Variants in WWTR1 observed in about 807,000 individuals in gnomAD.
WWTR1 encodes WW domain-containing transcription regulator protein 1.
A neutral mutation model predicts 40.1 loss-of-function variants in WWTR1; 13 were observed. The ratio of observed to expected loss-of-function variants is 0.32; its 90% CI spans 0.21 to 0.52. The LOEUF is 0.52. Among genes scored for constraint, WWTR1 ranks in the 20% least tolerant of loss-of-function variants. The probability of loss-of-function intolerance (pLI) is 0.97; values close to 1 mark genes in which losing one functional copy is unlikely to be tolerated. For missense variants in WWTR1, 436 were observed against 523.1 expected (o/e 0.83, Z 1.63); for synonymous variants, 230 against 210.1 (o/e 1.09, Z -0.82).
At chr3:149,645,945 G>A (rs2108137552) in intron 2 of WWTR1, among the ~76,000 whole-genome samples, 1 of 152,276 alleles carries the variant, frequency 6.6e-6, no homozygotes, top group East Asian at 1.9e-4. Context: ...GAATTGAGAT[G>A]TGCCACAGCA....
intron 4 of WWTR1, among the ~76,000 whole-genome samples, chr3:149,536,459 T>C (rs1735838335): frequency 1.3e-5 from 2 of 150,946 alleles, no homozygotes; most frequent in South Asian, 2.1e-4. Context: ...TAAATAGCTA[T>C]TCTTTGCATG....
Position 149,634,103 on chromosome 3 carries a change from G to T in WWTR1, c.431+22773C>A, listed in dbSNP as rs113477667. ...GAGAAAGAGGAAGGAAAGATGAGAG[G>T]TCCAGAAAGGGAAAAATAATGAAGA... is the stretch of plus-strand genomic sequence containing the variant. On this transcript the variant is annotated intron_variant, in intron 2 of 6. Coordinates refer to ENST00000360632, the MANE Select transcript of WWTR1 (RefSeq NM_015472.6). Among the ~76,000 whole-genome samples, 885 of 152,048 alleles carry T rather than the reference G, an allele frequency of 5.8e-3. 12 individuals are homozygous for T. Among genetic ancestry groups the T allele is most frequent in the African/African-American group, 0.02 (847 of 41,450 alleles).
intron 4 of WWTR1, among the ~76,000 whole-genome samples, chr3:149,538,015 G>A (rs1255434777): frequency 6.6e-6 from 1 of 151,618 alleles, no homozygotes; most frequent in Non-Finnish European, 1.5e-5. Flanking sequence ...CACCTCCCAG[G>A]TCCAAGAGAT....
intron 1 of WWTR1, among the ~76,000 whole-genome samples, chr3:149,693,562 A>C (rs574954379): frequency 6.6e-6 from 1 of 152,344 alleles, no homozygotes; most frequent in South Asian, 2.1e-4. Flanking sequence ...GAGGAATCAC[A>C]TTACTTGACT....
chr3:149,695,794 A>AAAAT (rs1553735126), intron 1 of WWTR1, among the ~76,000 whole-genome samples: 3,677 of 140,770 alleles, frequency 0.026, 109 homozygotes, highest in Admixed American at 0.086. Context: ...AAAAGAAAAA[A>AAAAT]ATATATATAT....
chr3:149,659,883 G>A (rs1713493203), upstream of WWTR1: 1 of 151,034 alleles, frequency 6.6e-6, no homozygotes, highest in East Asian at 1.9e-4. Context: ...AAGAAATTAG[G>A]GCCATCTTAG....
At chr3:149,640,915 T>C (rs1282935617) in intron 2 of WWTR1, among the ~76,000 whole-genome samples, 1 of 152,246 alleles carries the variant, frequency 6.6e-6, no homozygotes, top group Admixed American at 6.5e-5. Flanking sequence ...TTCTTTATTG[T>C]GATGGCCTAG....
chr3:149,546,506 T>C (rs1310716277), intron 3 of WWTR1, among the ~76,000 whole-genome samples: 1 of 152,162 alleles, frequency 6.6e-6, no homozygotes, highest in Non-Finnish European at 1.5e-5. Context: ...AGGTGGGGCA[T>C]GTTATGCATG....
chr3:149,552,141 C>G (rs1019675580), intron 3 of WWTR1, among the ~76,000 whole-genome samples: 1 of 145,344 alleles, frequency 6.9e-6, no homozygotes, highest in African/African-American at 2.6e-5. Context: ...TTGAACTATT[C>G]TCTTCCTGTG....
In WWTR1 at chr3:149,517,590, C is replaced by T. The variant is rs2107887399; in HGVS notation, c.*3215G>A. 1 of 152,250 alleles carries T rather than the reference C, an allele frequency of 6.6e-6. No homozygotes were observed. The highest frequency in any genetic ancestry group is 2.1e-4 in the South Asian group (1 of 4,816). 9.4% of individuals were successfully genotyped at this position (152,250 alleles called of 1,614,324 possible). On this transcript the variant is annotated 3_prime_UTR_variant, in exon 7 of 7. Coordinates refer to ENST00000360632, the MANE Select transcript of WWTR1 (RefSeq NM_015472.6). ...AGAACACAACTTGTAATTAGCAACA[C>T]TTCTGTCAGTCTAGATCACTTCTTC...
chr3:149,628,214 C>G (rs765471746), intron 2 of WWTR1, among the ~76,000 whole-genome samples: 5 of 150,778 alleles, frequency 3.3e-5, no homozygotes, highest in Non-Finnish European at 7.4e-5. Flanking sequence ...ATTAAAAATA[C>G]AAAAAATTAG....
intron 2 of WWTR1, among the ~76,000 whole-genome samples, chr3:149,614,017 A>AGT (rs1739856001): frequency 6.6e-6 from 1 of 152,238 alleles, no homozygotes; most frequent in South Asian, 2.1e-4. Context: ...ATCCATTACT[A>AGT]ACACTTCAGT....
At chr3:149,658,706 C>G (rs1271406352), upstream of WWTR1, 1 of 152,288 alleles carries the variant, frequency 6.6e-6, no homozygotes, top group Non-Finnish European at 1.5e-5. Context: ...GCTTCGCCAA[C>G]GGGTGGGTTG....
intron 2 of WWTR1, among the ~76,000 whole-genome samples, chr3:149,639,609 T>C (rs1487395181): frequency 6.6e-6 from 1 of 152,190 alleles, no homozygotes; most frequent in Non-Finnish European, 1.5e-5. Context: ...AGGTCTCTTA[T>C]AAACTCATAT....
intron 1 of WWTR1, 78 bp downstream of exon 1, chr3:149,657,687 G>A: frequency 5.4e-6 from 1 of 184,994 alleles, no homozygotes; most frequent in Non-Finnish European, 1.1e-5. Context: ...ACTCCACCAC[G>A]TCTCGACTCC....
chr3:149,715,730 T>C (rs796858006), intron 5 of WWTR1, among the ~76,000 whole-genome samples: 12 of 152,358 alleles, frequency 7.9e-5, no homozygotes, highest in African/African-American at 2.9e-4. Context: ...TTCATACATA[T>C]ACCTCACATA....
intron 3 of WWTR1, among the ~76,000 whole-genome samples, chr3:149,559,386 G>T (rs185653103): frequency 5.9e-4 from 90 of 151,652 alleles, no homozygotes; most frequent in African/African-American, 2.1e-3. Context: ...AAAGGAGAAT[G>T]ATGTCTCCAA....
At chr3:149,586,555 T>C (rs1438607427) in intron 2 of WWTR1, among the ~76,000 whole-genome samples, 1 of 152,198 alleles carries the variant, frequency 6.6e-6, no homozygotes, top group East Asian at 1.9e-4. Context: ...GGAGAATCTT[T>C]GGTTTTAATA....
chr3:149,614,785 C>T (rs1432770297), intron 2 of WWTR1, among the ~76,000 whole-genome samples: 1 of 152,104 alleles, frequency 6.6e-6, no homozygotes, highest in Non-Finnish European at 1.5e-5. Flanking sequence ...GAGTTCGAGA[C>T]CAGCCTGGCC....
Sources: allele counts gnomAD v4.1 joint callset (sites outside exome capture counted in the v4.1 genomes callset), GRCh38; gene constraint gnomAD v4.1.1; transcripts MANE v1.5; gene names NCBI Gene and HGNC (gene_info 2026-07-23, HGNC 2026-07-21).